Variants in ADAM22 observed in about 807,000 individuals in gnomAD.
The protein encoded by ADAM22 is disintegrin and metalloproteinase domain-containing protein 22.
Under a neutral mutation model 144.6 loss-of-function variants are expected in ADAM22, and 65 were observed. That is an observed-to-expected ratio of 0.45 (90% CI 0.37 to 0.55). ADAM22 has a LOEUF of 0.55. Among genes scored for constraint, ADAM22 ranks in the 20% least tolerant of loss-of-function variants. ADAM22 has a pLI of 0.00. For missense variants in ADAM22, 974 were observed against 1,184.9 expected (o/e 0.82, Z 2.61); for synonymous variants, 391 against 412.6 (o/e 0.95, Z 0.63).
rs114214772 is a variant in ADAM22 at position 88,182,286 on chromosome 7, G to T, written c.2663+262G>T. On this transcript the variant is annotated intron_variant, in intron 29 of 31. Transcript: ENST00000413139. ...TTCCTCCAGTCACCTGCCATTGTGG[G>T]GTCTTGGTTCTATATGAAGGGAATT... Among the ~76,000 whole-genome samples, 216 of 152,114 alleles carry T rather than the reference G, an allele frequency of 1.4e-3. 1 individual carries two copies. The highest frequency in any genetic ancestry group is 5.0e-3 in the African/African-American group (209 of 41,498).
chr7:88,068,620 G>A (rs1402822467), intron 3 of ADAM22, among the ~76,000 whole-genome samples: 1 of 152,176 alleles, frequency 6.6e-6, no homozygotes, highest in Non-Finnish European at 1.5e-5. Flanking sequence ...AATCTTTACA[G>A]TGTATATTGT....
At chr7:88,140,194 C>G (rs1004771434) in intron 14 of ADAM22, among the ~76,000 whole-genome samples, 1 of 152,084 alleles carries the variant, frequency 6.6e-6, no homozygotes, top group Admixed American at 6.5e-5. Flanking sequence ...GGAGGACTCC[C>G]TCATTAGACC....
At position 88,193,182 on chromosome 7, in the gene ADAM22, T is replaced by C. The variant is rs1265248118; in HGVS notation, c.2817T>C (p.Pro939=). 2 of 1,614,002 alleles carry C rather than the reference T, an allele frequency of 1.2e-6. No individual in the cohort carries two copies. Among genetic ancestry groups the C allele is most frequent in the African/African-American group, 1.3e-5 (1 of 74,928 alleles). The change falls in exon 31 of 32, where the codon CCT becomes CCC. Residue 939 remains proline (P), a synonymous_variant. Transcript: ENST00000413139. Reference sequence around the variant, plus strand: ...CTATTGCCTCCAGCAGAAAATACCCTTACCCAATGCCTCCACTTCCTGATG... The same window carrying C: ...CTATTGCCTCCAGCAGAAAATACCCCTACCCAATGCCTCCACTTCCTGATG... ...TGSIASSRKY[P]YPMPPLPDED...
At chr7:88,046,110 G>A (rs185742153) in intron 3 of ADAM22, among the ~76,000 whole-genome samples, 15 of 152,188 alleles carry the variant, frequency 9.9e-5, no homozygotes, top group East Asian at 7.7e-4. Flanking sequence ...TCATATCATA[G>A]TTCTATTTTT....
intron 28 of ADAM22, 58 bp downstream of exon 28, chr7:88,181,663 C>T (rs959370777): frequency 1.4e-6 from 2 of 1,425,894 alleles, no homozygotes; most frequent in African/African-American, 2.9e-5. Flanking sequence ...TATTCTGTGG[C>T]CCCTGGTTGT....
intron 4 of ADAM22, among the ~76,000 whole-genome samples, chr7:88,098,179 A>G (rs767126433): frequency 6.6e-6 from 1 of 152,200 alleles, no homozygotes; most frequent in Non-Finnish European, 1.5e-5. Context: ...GACTTAGTAA[A>G]ATGGAATATT....
At chr7:87,934,914 G>A (rs1840837584) in intron 1 of ADAM22, 112 bp from the exon 2 acceptor site, 1 of 1,455,262 alleles carries the variant, frequency 6.9e-7, no homozygotes, top group Non-Finnish European at 9.6e-7. Flanking sequence ...GGGAGGGGGC[G>A]GTGGGGATTT....
intron 3 of ADAM22, among the ~76,000 whole-genome samples, chr7:88,010,014 T>C (rs1794992143): frequency 6.8e-6 from 1 of 146,016 alleles, no homozygotes; most frequent in South Asian, 2.4e-4. Context: ...CAACCCGTTA[T>C]GGTTGAATTT....
chr7:88,008,855 C>G (rs552409387), intron 3 of ADAM22, among the ~76,000 whole-genome samples: 63 of 150,666 alleles, frequency 4.2e-4, no homozygotes, highest in South Asian at 3.6e-3. Context: ...ATGTAACTAA[C>G]CTGCACATTG....
At chr7:88,131,093 A>G (rs1364996746) in intron 10 of ADAM22, among the ~76,000 whole-genome samples, 176 bp from the exon 11 acceptor site, 1 of 152,130 alleles carries the variant, frequency 6.6e-6, no homozygotes, top group Admixed American at 6.6e-5. Context: ...TTCTTTGGGT[A>G]TTGGTCAACA....
At chr7:88,038,257 T>C (rs1199816198) in intron 3 of ADAM22, among the ~76,000 whole-genome samples, 1 of 152,164 alleles carries the variant, frequency 6.6e-6, no homozygotes, top group Non-Finnish European at 1.5e-5. Flanking sequence ...GATAGAAAGG[T>C]ATTAAAAATT....
At chr7:88,068,087 G>A (rs1296396481) in intron 3 of ADAM22, among the ~76,000 whole-genome samples, 1 of 152,262 alleles carries the variant, frequency 6.6e-6, no homozygotes, top group East Asian at 1.9e-4. Context: ...CTGAGGAATG[G>A]ATGGTTAATT....
intron 3 of ADAM22, among the ~76,000 whole-genome samples, chr7:87,990,528 T>G (rs999962306): frequency 2.0e-5 from 3 of 152,146 alleles, no homozygotes; most frequent in Non-Finnish European, 4.4e-5. Context: ...CCCACAATCC[T>G]CCAATGTACA....
intron 3 of ADAM22, among the ~76,000 whole-genome samples, chr7:88,040,647 T>C (rs1453705471): frequency 1.3e-5 from 2 of 152,084 alleles, no homozygotes; most frequent in East Asian, 3.8e-4. Context: ...AACACAAACT[T>C]AGTGGCTTAA....
intron 3 of ADAM22, among the ~76,000 whole-genome samples, chr7:88,060,002 T>TA (rs922955621): frequency 2.7e-4 from 41 of 151,204 alleles, no homozygotes; most frequent in Non-Finnish European, 4.4e-4. Flanking sequence ...CCCATGAATC[T>TA]AAAAAAAAAC....
chr7:88,044,281 T>C (rs1378882602), intron 3 of ADAM22, among the ~76,000 whole-genome samples: 2 of 152,220 alleles, frequency 1.3e-5, no homozygotes, highest in African/African-American at 4.8e-5. Context: ...TTCTGCATCA[T>C]ATCATCTATG....
Position 88,071,383 on chromosome 7 carries a change from A to G in ADAM22, c.324-4243A>G, listed in dbSNP as rs945594755. On this transcript the variant is annotated intron_variant, in intron 3 of 31. Coordinates refer to ENST00000413139, the MANE Select transcript of ADAM22 (RefSeq NM_001324418.2). ...TCTGGTTTAATACCATACCAGCTTT[A>G]TGAAGTGATTTTTTTTTTTTTTTTT... 9.6e-5 allele frequency among the ~76,000 whole-genome samples: 14 copies of G among 145,968 alleles called. No homozygotes were observed. The East Asian group carries it at 2.7e-3, about 28-fold the overall frequency.
At chr7:88,140,657 A>G (rs1418746415) in intron 14 of ADAM22, among the ~76,000 whole-genome samples, 1 of 152,056 alleles carries the variant, frequency 6.6e-6, no homozygotes, top group East Asian at 1.9e-4. Context: ...AGCCTGGGCA[A>G]CGTGGGGAAA....
intron 3 of ADAM22, among the ~76,000 whole-genome samples, chr7:88,068,166 T>A (rs572850528): frequency 2.4e-4 from 37 of 152,240 alleles, no homozygotes; most frequent in Non-Finnish European, 4.1e-4. Flanking sequence ...GGAGGGTTGG[T>A]GCATGGCTAG....
Sources: gnomAD v4.1 joint callset for allele counts (sites outside exome capture counted in the v4.1 genomes callset) on GRCh38, gnomAD v4.1.1 for gene constraint, MANE v1.5 for transcripts, NCBI Gene and HGNC (gene_info 2026-07-23, HGNC 2026-07-21) for gene names.